RUNX1: variants seen among roughly 807,000 people sequenced by gnomAD.
The protein encoded by RUNX1 is RUNX family transcription factor 1.
In RUNX1, 19 loss-of-function variants were observed where a neutral mutation model predicts 42.8. That is an observed-to-expected ratio of 0.44 (90% confidence interval 0.31 to 0.65). The LOEUF (loss-of-function observed/expected upper bound fraction) is 0.65. RUNX1 is among the 30% of genes least tolerant of loss of function. The probability of loss-of-function intolerance (pLI) is 0.07; values close to 1 mark genes in which losing one functional copy is unlikely to be tolerated. For synonymous variants in RUNX1, 271 were observed against 289.4 expected (o/e 0.94, Z 0.64); for missense variants, 528 against 672.0 (o/e 0.79, Z 2.37).
chr21:34,828,918 C>T (rs986424062), intron 7 of RUNX1, among the ~76,000 whole-genome samples: 3 of 152,158 alleles, frequency 2.0e-5, no homozygotes, highest in African/African-American at 4.8e-5. Context: ...TATAAGACTA[C>T]GACAACTTGA....
At chr21:35,022,004 A>G (rs545756464) in intron 2 of RUNX1, among the ~76,000 whole-genome samples, 3 of 152,340 alleles carry the variant, frequency 2.0e-5, no homozygotes, top group South Asian at 4.1e-4. Context: ...GGCGAGAATG[A>G]TCCCCAAGAC....
intron 2 of RUNX1, among the ~76,000 whole-genome samples, chr21:34,949,623 C>T (rs1483628755): frequency 6.6e-6 from 1 of 152,188 alleles, no homozygotes; most frequent in Admixed American, 6.5e-5. Context: ...AAGAGTAAAA[C>T]CACGAAGGTA....
At chr21:34,863,522 A>ATCT (rs1202952736) in intron 5 of RUNX1, among the ~76,000 whole-genome samples, 1 of 147,446 alleles carries the variant, frequency 6.8e-6, no homozygotes, top group African/African-American at 2.5e-5. Flanking sequence ...AATGGTCATT[A>ATCT]TCTGAATTCT....
At chr21:34,999,426 G>A (rs79652427) in intron 2 of RUNX1, among the ~76,000 whole-genome samples, 1 of 152,328 alleles carries the variant, frequency 6.6e-6, no homozygotes, top group African/African-American at 2.4e-5. Flanking sequence ...ACAGCTGAGG[G>A]TGAGTGAGTT....
chr21:34,928,972 G>GT (rs2058419572), intron 2 of RUNX1, among the ~76,000 whole-genome samples: 1 of 140,816 alleles, frequency 7.1e-6, no homozygotes, highest in African/African-American at 2.6e-5. Flanking sequence ...GGGGGGGGGG[G>GT]TAGATTTCAC....
intron 2 of RUNX1, among the ~76,000 whole-genome samples, chr21:34,995,443 T>TA (rs1263977201): frequency 6.9e-6 from 1 of 144,844 alleles, no homozygotes; most frequent in African/African-American, 2.6e-5. Context: ...AGCTTTTTTT[T>TA]TTTTTTTTTT....
intron 2 of RUNX1, among the ~76,000 whole-genome samples, chr21:34,976,145 T>A (rs1192926896): frequency 6.6e-6 from 1 of 150,728 alleles, no homozygotes; most frequent in Non-Finnish European, 1.5e-5. Flanking sequence ...AAAAAAAAAT[T>A]ACAGAAGAAA....
chr21:35,026,648 A>G (rs915233064), intron 2 of RUNX1, among the ~76,000 whole-genome samples: 3 of 152,308 alleles, frequency 2.0e-5, no homozygotes, highest in East Asian at 1.9e-4. Context: ...TTGGCCTCCT[A>G]TGGGTCCAGG....
At chr21:34,959,877 G>A (rs186591426) in intron 2 of RUNX1, among the ~76,000 whole-genome samples, 1 of 152,154 alleles carries the variant, frequency 6.6e-6, no homozygotes, top group Non-Finnish European at 1.5e-5. Flanking sequence ...ACTAGAGAAG[G>A]AGCAATTGTG....
intron 2 of RUNX1, among the ~76,000 whole-genome samples, chr21:35,006,068 G>C (rs1190435307): frequency 6.6e-6 from 1 of 152,164 alleles, no homozygotes; most frequent in Non-Finnish European, 1.5e-5. Context: ...CCAATTTTAA[G>C]TCATTCTCTA....
At chr21:34,942,679 TAGC>T (rs1451245185) in intron 2 of RUNX1, among the ~76,000 whole-genome samples, 15 of 152,176 alleles carry the variant, frequency 9.9e-5, no homozygotes, top group African/African-American at 3.6e-4. Context: ...TGAGGACAAT[TAGC>T]AGGGCTAATG....
intron 5 of RUNX1, among the ~76,000 whole-genome samples, chr21:34,860,237 ATTT>A (rs2057553601): frequency 3.3e-5 from 5 of 152,228 alleles, no homozygotes; most frequent in African/African-American, 1.2e-4. Context: ...AATGCACAAA[ATTT>A]CCATTACACA....
chr21:34,847,200 A>G (rs2057329761), intron 6 of RUNX1, among the ~76,000 whole-genome samples: 3 of 152,258 alleles, frequency 2.0e-5, no homozygotes, highest in Admixed American at 1.3e-4. Flanking sequence ...TATAAAACTC[A>G]GTTCTCAACT....
chr21:34,919,759 T>G (rs1050016225), intron 2 of RUNX1, among the ~76,000 whole-genome samples: 7 of 152,230 alleles, frequency 4.6e-5, no homozygotes, highest in Non-Finnish European at 1.0e-4. Context: ...TGAGTATTAT[T>G]AGATTTAGGT....
chr21:34,839,553 C>T (rs1303371966), intron 6 of RUNX1, among the ~76,000 whole-genome samples: 4 of 152,194 alleles, frequency 2.6e-5, no homozygotes, highest in African/African-American at 4.8e-5. Flanking sequence ...TCTGCCTCAA[C>T]CATCTCACTT....
At chr21:34,915,887 T>A (rs2058308318) in intron 2 of RUNX1, among the ~76,000 whole-genome samples, 1 of 152,196 alleles carries the variant, frequency 6.6e-6, no homozygotes, top group African/African-American at 2.4e-5. Flanking sequence ...CCTCTTCACA[T>A]TCCTCGTTTT....
At chr21:34,920,261 T>C (rs2058343977) in intron 2 of RUNX1, among the ~76,000 whole-genome samples, 1 of 152,218 alleles carries the variant, frequency 6.6e-6, no homozygotes, top group Non-Finnish European at 1.5e-5. Flanking sequence ...TATTTTCTTA[T>C]TCCACAACCA....
intron 7 of RUNX1, among the ~76,000 whole-genome samples, chr21:34,824,205 G>A (rs138770428): frequency 2.6e-5 from 4 of 152,240 alleles, no homozygotes; most frequent in South Asian, 2.1e-4. Flanking sequence ...TTAGGGGAGC[G>A]TGAACTGGCT....
chr21:34,875,264 C>T (rs1430745887), intron 5 of RUNX1, among the ~76,000 whole-genome samples: 1 of 152,204 alleles, frequency 6.6e-6, no homozygotes, highest in Non-Finnish European at 1.5e-5. Context: ...GTGTTGCTAT[C>T]CTTTTATTGG....
Sources: gnomAD v4.1 joint callset for allele counts (sites outside exome capture counted in the v4.1 genomes callset) on GRCh38, gnomAD v4.1.1 for gene constraint, MANE v1.5 for transcripts, NCBI Gene and HGNC (gene_info 2026-07-23, HGNC 2026-07-21) for gene names.